GXYLT1: variants seen among roughly 807,000 people sequenced by gnomAD.
GXYLT1 encodes glycosyltransferase 8 domain containing 3.
Under a neutral mutation model 54.0 loss-of-function variants are expected in GXYLT1, and 29 were observed. The observed-to-expected ratio is 0.54, with a 90% CI of 0.40 to 0.73. The LOEUF is 0.73. GXYLT1 is among the 30% of genes least tolerant of loss of function. GXYLT1 has a pLI of 0.00. For synonymous variants in GXYLT1, 176 were observed against 204.1 expected (o/e 0.86, Z 1.17); for missense variants, 490 against 553.4 (o/e 0.89, Z 1.15).
At position 42,112,625 on chromosome 12, in the gene GXYLT1, G is replaced by C. The variant is rs949653079; in HGVS notation, c.487-2934C>G. On this transcript the variant is annotated intron_variant, in intron 3 of 7. Transcript: ENST00000398675. Reference sequence around the variant, plus strand: ...AAAAAGAAACGAACACAGCCTCCAAGAAATATGGGACCATGTGAAAAGACC... The same window carrying C: ...AAAAAGAAACGAACACAGCCTCCAACAAATATGGGACCATGTGAAAAGACC... Among the ~76,000 whole-genome samples, 7 of 152,270 alleles carry C rather than the reference G, an allele frequency of 4.6e-5. No individual in the cohort carries two copies. The East Asian group carries it at 1.3e-3, about 29-fold the overall frequency.
chr12:42,111,019 G>C (rs375955210), intron 3 of GXYLT1, among the ~76,000 whole-genome samples: 4 of 152,180 alleles, frequency 2.6e-5, no homozygotes, highest in South Asian at 4.1e-4. Flanking sequence ...CTGCACCTAA[G>C]ATAATGCAAT....
At chr12:42,129,668 A>C (rs2065583368) in intron 2 of GXYLT1, 91 bp downstream of exon 2, 1 of 767,510 alleles carries the variant, frequency 1.3e-6, no homozygotes, top group South Asian at 1.8e-5. Flanking sequence ...TAATATCATA[A>C]GAAACATTCT....
At chr12:42,130,613 C>T (rs1338246671) in intron 1 of GXYLT1, among the ~76,000 whole-genome samples, 1 of 152,102 alleles carries the variant, frequency 6.6e-6, no homozygotes. Context: ...GATCCAGCAA[C>T]CCCACTGCTG....
chr12:42,092,611 A>G (rs2065335113), intron 7 of GXYLT1, among the ~76,000 whole-genome samples: 1 of 152,150 alleles, frequency 6.6e-6, no homozygotes, highest in African/African-American at 2.4e-5. Flanking sequence ...CAACTGGGGG[A>G]TGGGGGAGAG....
intron 5 of GXYLT1, among the ~76,000 whole-genome samples, chr12:42,104,715 G>A (rs2065409628): frequency 6.6e-6 from 1 of 152,132 alleles, no homozygotes; most frequent in Non-Finnish European, 1.5e-5. Flanking sequence ...ATGAGGAAAA[G>A]ACTTAAATCA....
intron 1 of GXYLT1, among the ~76,000 whole-genome samples, chr12:42,136,548 G>C (rs977931144): frequency 3.3e-5 from 5 of 152,124 alleles, no homozygotes; most frequent in African/African-American, 1.2e-4. Flanking sequence ...AGTTTAATAA[G>C]GCATAAAGCA....
chr12:42,129,698 TTTA>T (rs1214738209), intron 2 of GXYLT1, 58 bp downstream of exon 2: 2 of 1,000,476 alleles, frequency 2.0e-6, no homozygotes, highest in Non-Finnish European at 3.1e-6. Flanking sequence ...TTACAAAGGT[TTTA>T]TTATCAACTA....
chr12:42,112,695 G>A (rs1384425264), intron 3 of GXYLT1, among the ~76,000 whole-genome samples: 1 of 152,078 alleles, frequency 6.6e-6, no homozygotes, highest in African/African-American at 2.4e-5. Context: ...GGAGAGAATG[G>A]AACCAAGTTG....
intron 2 of GXYLT1, among the ~76,000 whole-genome samples, chr12:42,126,537 C>T (rs2065563475): frequency 6.6e-6 from 1 of 152,100 alleles, no homozygotes; most frequent in African/African-American, 2.4e-5. Flanking sequence ...TAGTGTGTTG[C>T]CATTGACATG....
chr12:42,104,775 G>C (rs182714731), intron 5 of GXYLT1, among the ~76,000 whole-genome samples: 1 of 152,098 alleles, frequency 6.6e-6, no homozygotes, highest in South Asian at 2.1e-4. Context: ...TGTGAAAAAC[G>C]CATGACAAAA....
intron 3 of GXYLT1, among the ~76,000 whole-genome samples, chr12:42,115,949 T>A (rs7134039): frequency 0.78 from 98,003 of 126,280 alleles, 39,196 homozygotes; most frequent in African/African-American, 0.9. Context: ...CCAATGGAAC[T>A]GAACAGAGCC....
chr12:42,136,661 T>C (rs551226936), intron 1 of GXYLT1, among the ~76,000 whole-genome samples: 117 of 152,264 alleles, frequency 7.7e-4, no homozygotes, highest in Middle Eastern at 3.4e-3. Context: ...TGGGGGTGGT[T>C]ACATGTATTT....
intron 3 of GXYLT1, among the ~76,000 whole-genome samples, chr12:42,111,990 G>A (rs138767096): frequency 5.3e-4 from 81 of 152,350 alleles, no homozygotes; most frequent in African/African-American, 1.9e-3. Context: ...AATATCTGCT[G>A]TTCTGCAGCC....
chr12:42,110,991 G>T (rs904221561), intron 3 of GXYLT1, among the ~76,000 whole-genome samples: 9 of 152,210 alleles, frequency 5.9e-5, no homozygotes, highest in African/African-American at 2.2e-4. Context: ...TCAGCCAGGT[G>T]TAAACACAAC....
At chr12:42,107,727 T>C (rs1170888839) in intron 4 of GXYLT1, among the ~76,000 whole-genome samples, 1 of 151,714 alleles carries the variant, frequency 6.6e-6, no homozygotes, top group Non-Finnish European at 1.5e-5. Context: ...CTGGGTGGAG[T>C]CTGTATGTCT....
chr12:42,143,826 G>C (rs1195634707), intron 1 of GXYLT1, among the ~76,000 whole-genome samples: 2 of 152,126 alleles, frequency 1.3e-5, no homozygotes, highest in Admixed American at 6.5e-5. Flanking sequence ...GCCAAGTATC[G>C]CTCATTTTTC....
At chr12:42,110,570 G>A (rs1177763102) in intron 3 of GXYLT1, among the ~76,000 whole-genome samples, 1 of 152,082 alleles carries the variant, frequency 6.6e-6, no homozygotes, top group Non-Finnish European at 1.5e-5. Flanking sequence ...TTTGAGACAA[G>A]GTCTCACTCT....
chr12:42,084,891 G>GCATC lies in GXYLT1; in HGVS notation c.*2891_*2894dup, dbSNP rs2065279467. ...AATGAAGTTTGACTGCATTTTAAAG[G>GCATC]CATCCCACTTTGGTAATACTGTAGC... On this transcript the variant is annotated 3_prime_UTR_variant, in exon 8 of 8. Transcript: ENST00000398675. The GCATC allele has an allele frequency of 1.3e-5, 2 of 152,252 alleles. No individual in the cohort carries two copies. Among genetic ancestry groups the GCATC allele is most frequent in the South Asian group, 4.1e-4 (2 of 4,834 alleles). The allele number at this position is 152,252 out of a possible 1,614,324, so 9.4% of individuals were successfully genotyped here.
rs941778331 is a variant in GXYLT1 at position 42,084,686 on chromosome 12, A to G, written c.*3100T>C. Reference sequence around the variant, plus strand: ...ATCTGGTCTTCTTTTCACTATACCAATAACATCTGACTGGAGGCAAGATGA... The same window carrying G: ...ATCTGGTCTTCTTTTCACTATACCAGTAACATCTGACTGGAGGCAAGATGA... On this transcript the variant is annotated 3_prime_UTR_variant, in exon 8 of 8. Transcript: ENST00000398675. 1 of 152,284 alleles carries G rather than the reference A, an allele frequency of 6.6e-6. No individual in the cohort carries two copies. The highest frequency in any genetic ancestry group is 6.5e-5 in the Admixed American group (1 of 15,292). 9.4% of individuals were successfully genotyped at this position (152,284 alleles called of 1,614,324 possible).
Sources: gnomAD v4.1 joint callset for allele counts (sites outside exome capture counted in the v4.1 genomes callset) on GRCh38, gnomAD v4.1.1 for gene constraint, MANE v1.5 for transcripts, NCBI Gene and HGNC (gene_info 2026-07-23, HGNC 2026-07-21) for gene names.